The following SLC26A7 variants were observed in gnomAD, a reference collection of about 807,000 sequenced individuals.
The protein encoded by SLC26A7 is anion exchange transporter.
A neutral mutation model predicts 82.5 loss-of-function variants in SLC26A7; 59 were observed. The ratio of observed to expected loss-of-function variants is 0.72; its 90% CI spans 0.58 to 0.89. The LOEUF (loss-of-function observed/expected upper bound fraction) is 0.89. Ranked by LOEUF, SLC26A7 falls within the 40% of genes least tolerant of loss-of-function variation. The pLI is 0.00. For synonymous variants in SLC26A7, 271 were observed against 274.3 expected, an observed-to-expected ratio of 0.99 and a Z score of 0.12; for missense variants, 820 against 793.0, an observed-to-expected ratio of 1.03 and a Z score of -0.41.
intron 12 of SLC26A7, among the ~76,000 whole-genome samples, 169 bp downstream of exon 12, chr8:91,362,628 T>G (rs1814081210): frequency 6.6e-6 from 1 of 152,082 alleles, no homozygotes; most frequent in Non-Finnish European, 1.5e-5. Flanking sequence ...AGAAAATGTT[T>G]TATCTGCATA....
At chr8:91,219,048 C>T (rs1747042850) in intron 2 of SLC26A7, 1 of 1,011,134 alleles carries the variant, frequency 9.9e-7, no homozygotes. Flanking sequence ...GCCCTGTCAG[C>T]TCTGCATACA....
chr8:91,260,038 T>G (rs1810918579), intron 2 of SLC26A7, among the ~76,000 whole-genome samples: 1 of 152,142 alleles, frequency 6.6e-6, no homozygotes, highest in African/African-American at 2.4e-5. Flanking sequence ...TTTACTAACT[T>G]TATAGCATTT....
chr8:91,353,846 GA>G (rs1481800787), intron 11 of SLC26A7, among the ~76,000 whole-genome samples: 7 of 152,008 alleles, frequency 4.6e-5, no homozygotes, highest in Non-Finnish European at 8.8e-5. Flanking sequence ...ATGTGCAGAT[GA>G]AAAAAGAACT....
chr8:91,355,061 G>C (rs1813824369), intron 11 of SLC26A7, among the ~76,000 whole-genome samples: 1 of 152,064 alleles, frequency 6.6e-6, no homozygotes. Context: ...GGAAGTTTTT[G>C]ACTGAGTGTA....
upstream of SLC26A7, among the ~76,000 whole-genome samples, chr8:91,247,226 T>C (rs1431416354): frequency 6.6e-6 from 1 of 152,248 alleles, no homozygotes; most frequent in Non-Finnish European, 1.5e-5. Context: ...GATAACAATT[T>C]CATCTTTTTA....
At chr8:91,316,218 A>C (rs1327459635) in intron 4 of SLC26A7, among the ~76,000 whole-genome samples, 2 of 151,982 alleles carry the variant, frequency 1.3e-5, no homozygotes, top group Non-Finnish European at 2.9e-5. Flanking sequence ...GATAAAGGAG[A>C]TCTCGTTGTT....
chr8:91,258,361 T>G (rs1810865043), intron 2 of SLC26A7, among the ~76,000 whole-genome samples: 1 of 152,076 alleles, frequency 6.6e-6, no homozygotes, highest in Admixed American at 6.6e-5. Flanking sequence ...CTACCAAAAG[T>G]AATCCTTATC....
intron 2 of SLC26A7, among the ~76,000 whole-genome samples, chr8:91,269,792 C>G (rs1275509589): frequency 6.6e-6 from 1 of 151,746 alleles, no homozygotes; most frequent in Admixed American, 6.6e-5. Context: ...TTTCCTTTTT[C>G]TCTTTTGATT....
At chr8:91,215,253 T>A (rs1310611303) in intron 1 of SLC26A7, among the ~76,000 whole-genome samples, 3 of 152,170 alleles carry the variant, frequency 2.0e-5, no homozygotes, top group Admixed American at 2.0e-4. Flanking sequence ...CTGAGATACA[T>A]TTTCCTGAGA....
At position 91,351,700 on chromosome 8, in the gene SLC26A7, C is replaced by A. The variant is rs1242974385; in HGVS notation, c.1141-110C>A. On this transcript the variant is annotated intron_variant, in intron 9 of 18. Transcript: ENST00000276609. ...TTAACAGTTATGTGTCAACATTTTA[C>A]TTCTTCTAATCAAGATAAACTAAGA... The A allele has an allele frequency of 1.1e-5, 8 of 736,412 alleles. 1 individual carries two copies. The East Asian group carries it at 1.5e-4, about 14-fold the overall frequency. The allele number at this position is 736,412 out of a possible 1,614,324, so 45.6% of individuals were successfully genotyped here.
chr8:91,222,147 G>A (rs959974439), intron 2 of SLC26A7, among the ~76,000 whole-genome samples: 5 of 152,108 alleles, frequency 3.3e-5, no homozygotes, highest in African/African-American at 7.2e-5. Flanking sequence ...GTGAATGGGA[G>A]TTCACTCATG....
chr8:91,358,144 A>G (rs1813927723), intron 11 of SLC26A7, among the ~76,000 whole-genome samples: 1 of 152,014 alleles, frequency 6.6e-6, no homozygotes, highest in Admixed American at 6.6e-5. Context: ...AAACAGAAAC[A>G]CTTTTACACT....
intron 1 of SLC26A7, among the ~76,000 whole-genome samples, chr8:91,213,015 A>G (rs572669846): frequency 6.6e-6 from 1 of 152,262 alleles, no homozygotes; most frequent in African/African-American, 2.4e-5. Context: ...TCACAGTAGT[A>G]TTCTGTATCT....
rs1239548346 is a variant in SLC26A7 at position 91,234,819 on chromosome 8, A to ACTT, written c.-33-14799_-33-14798insTTC. ...TACCTACCTACCTACCTACCTACCT[A>ACTT]CCTACCTACTTCCTTCCTTCCTTCC... On this transcript the variant is annotated intron_variant, in intron 2 of 5. Coordinates refer to the SLC26A7 transcript ENST00000522862. Among the ~76,000 whole-genome samples, 716 of 104,294 alleles carry ACTT rather than the reference A, an allele frequency of 6.9e-3. 3 individuals carry two copies. The highest frequency in any genetic ancestry group is 0.023 in the African/African-American group (470 of 20,862). 68.4% of individuals were successfully genotyped at this position (104,294 alleles called of 152,430 possible).
intron 2 of SLC26A7, among the ~76,000 whole-genome samples, chr8:91,232,384 C>G (rs1810321664): frequency 6.6e-6 from 1 of 152,200 alleles, no homozygotes; most frequent in Admixed American, 6.5e-5. Context: ...TATTTTACTG[C>G]TGATTCCACA....
rs1461576562 is a variant in SLC26A7 at position 91,338,240 on chromosome 8, A to G, written c.878+8A>G. 3 of 1,580,120 alleles carry G rather than the reference A, an allele frequency of 1.9e-6. No individual in the cohort carries two copies. Among genetic ancestry groups the G allele is most frequent in the Admixed American group, 1.8e-5 (1 of 54,078 alleles). On this transcript the variant is annotated splice_region_variant and intron_variant, in intron 7 of 18. Coordinates refer to ENST00000276609, the MANE Select transcript of SLC26A7 (RefSeq NM_052832.4). ...TGGTCATATTCCACAAGGGTAATGT[A>G]GTCCTTTTTAAAAACATATTATTTG...
At chr8:91,388,550 G>A (rs1028786990) in intron 15 of SLC26A7, among the ~76,000 whole-genome samples, 16 of 152,142 alleles carry the variant, frequency 1.1e-4, no homozygotes, top group African/African-American at 3.9e-4. Context: ...TAATGAATTT[G>A]AATTTAAGTG....
intron 2 of SLC26A7, among the ~76,000 whole-genome samples, chr8:91,227,629 T>C (rs901734701): frequency 6.6e-6 from 1 of 152,190 alleles, no homozygotes; most frequent in Non-Finnish European, 1.5e-5. Context: ...AGTTGCTACA[T>C]CTAGCTAAAG....
chr8:91,391,558 A>G (rs1165502189), intron 16 of SLC26A7, among the ~76,000 whole-genome samples: 1 of 152,162 alleles, frequency 6.6e-6, no homozygotes, highest in South Asian at 2.1e-4. Flanking sequence ...CTTCTAGCTG[A>G]ACCTAAATTG....
Sources: gnomAD v4.1 joint callset for allele counts (sites outside exome capture counted in the v4.1 genomes callset) on GRCh38, gnomAD v4.1.1 for gene constraint, MANE v1.5 for transcripts, NCBI Gene and HGNC (gene_info 2026-07-23, HGNC 2026-07-21) for gene names.